The following DPP10 variants were observed in gnomAD, a reference collection of about 807,000 sequenced individuals.
DPP10 encodes the protein inactive dipeptidyl peptidase 10.
Under a neutral mutation model 120.9 loss-of-function variants are expected in DPP10, and 33 were observed. The observed-to-expected ratio is 0.27, with a 90% confidence interval of 0.21 to 0.37. The LOEUF is 0.37. Ranked by LOEUF, DPP10 falls within the 10% of genes least tolerant of loss-of-function variation. The probability of loss-of-function intolerance (pLI) is 1.00; values close to 1 mark genes in which losing one functional copy is unlikely to be tolerated. For synonymous variants in DPP10, 337 were observed against 326.1 expected, an observed-to-expected ratio of 1.03 and a Z score of -0.36; for missense variants, 816 against 942.8, an observed-to-expected ratio of 0.87 and a Z score of 1.76.
In DPP10 at chr2:115,410,409, A is replaced by G. The variant is rs1574753824; in HGVS notation, c.271+66497A>G. ...AAACCAAGCACCCATGTTCTCAGTT[A>G]TAAGTGGGAGCTGAACGATAAGAAC... is the stretch of plus-strand genomic sequence containing the variant. On this transcript the variant is annotated intron_variant, in intron 3 of 25. Transcript: ENST00000410059. Among the ~76,000 whole-genome samples, 6 of 152,298 alleles carry G rather than the reference A, an allele frequency of 3.9e-5. No homozygotes were observed. In the South Asian group the frequency reaches 8.3e-4, roughly 21 times the overall value.
In DPP10 at chr2:114,870,442, G is replaced by C. The variant is rs192256867; in HGVS notation, c.60+427604G>C. ...ATTGAGTATGGAAGGAGAATGTGTA[G>C]TGTAAAAAAAAAATCCTCCATTTAG... On this transcript the variant is annotated intron_variant, in intron 1 of 25. Transcript: ENST00000410059. 5.5e-4 allele frequency among the ~76,000 whole-genome samples: 68 copies of C among 122,612 alleles called. 1 individual carries two copies. In the Middle Eastern group the frequency reaches 0.013, roughly 24 times the overall value. 80.4% of individuals were successfully genotyped at this position (122,612 alleles called of 152,430 possible). A position where few individuals can be genotyped will look rare whatever the true frequency, so the allele number is the denominator to read the frequency against.
intron 3 of DPP10, among the ~76,000 whole-genome samples, chr2:115,360,056 C>A (rs1393984061): frequency 1.3e-5 from 2 of 152,054 alleles, no homozygotes; most frequent in Non-Finnish European, 2.9e-5. Flanking sequence ...TCTCTTGAAT[C>A]GCATTGAGCT....
At chr2:114,832,394 G>C (rs1687218655) in intron 1 of DPP10, among the ~76,000 whole-genome samples, 1 of 152,190 alleles carries the variant, frequency 6.6e-6, no homozygotes, top group South Asian at 2.1e-4. Flanking sequence ...AATTAGCCGG[G>C]CGTGTTGGTG....
chr2:115,572,453 CACA>C (rs777822545), intron 5 of DPP10, among the ~76,000 whole-genome samples: 2 of 152,092 alleles, frequency 1.3e-5, no homozygotes, highest in Non-Finnish European at 2.9e-5. Flanking sequence ...ACACACATTG[CACA>C]ACATGTACAT....
At chr2:115,764,032 A>T (rs888714354) in intron 12 of DPP10, among the ~76,000 whole-genome samples, 1 of 152,284 alleles carries the variant, frequency 6.6e-6, no homozygotes, top group East Asian at 1.9e-4. Context: ...GTAAGAAGTC[A>T]CTTCCTCTAA....
At chr2:115,298,456 C>T (rs1014167127) in intron 1 of DPP10, among the ~76,000 whole-genome samples, 1 of 152,064 alleles carries the variant, frequency 6.6e-6, no homozygotes, top group Admixed American at 6.6e-5. Context: ...AACTGTGTCA[C>T]TCCAGGACTT....
chr2:115,741,202 G>C (rs11123320), intron 9 of DPP10, among the ~76,000 whole-genome samples: 146,730 of 152,202 alleles, frequency 0.96, 70,971 homozygotes, highest in East Asian at 1. Context: ...TCTCATCCAT[G>C]TTCCTTCCAC....
intron 1 of DPP10, among the ~76,000 whole-genome samples, chr2:115,150,719 T>C (rs957465654): frequency 6.6e-6 from 1 of 152,334 alleles, no homozygotes; most frequent in African/African-American, 2.4e-5. Context: ...TGGCTCTTAG[T>C]GACATGAGGT....
intron 1 of DPP10, among the ~76,000 whole-genome samples, chr2:114,666,983 GAT>G (rs1206079446): frequency 6.6e-6 from 1 of 152,190 alleles, no homozygotes; most frequent in Non-Finnish European, 1.5e-5. Context: ...TAAAGGGACA[GAT>G]AGTAATTTGT....
intron 8 of DPP10, among the ~76,000 whole-genome samples, chr2:115,729,368 A>G (rs1368364239): frequency 6.6e-6 from 1 of 152,208 alleles, no homozygotes; most frequent in East Asian, 1.9e-4. Flanking sequence ...TGAAGAAACC[A>G]TGTTAATGCA....
At chr2:114,524,203 G>A (rs111321713) in intron 1 of DPP10, among the ~76,000 whole-genome samples, 4,391 of 152,316 alleles carry the variant, frequency 0.029, 95 homozygotes, top group Middle Eastern at 0.071. Flanking sequence ...TTGTGCTTTA[G>A]CAATAACTCT....
chr2:115,383,151 A>T (rs886258991), intron 3 of DPP10, among the ~76,000 whole-genome samples: 2 of 152,210 alleles, frequency 1.3e-5, no homozygotes, highest in Non-Finnish European at 2.9e-5. Flanking sequence ...ATATTGAGTG[A>T]TGATGTGGTT....
At chr2:114,607,811 C>A (rs1692938241) in intron 1 of DPP10, among the ~76,000 whole-genome samples, 1 of 152,178 alleles carries the variant, frequency 6.6e-6, no homozygotes, top group Non-Finnish European at 1.5e-5. Flanking sequence ...TTCAGACTCC[C>A]ACTATGTGGT....
intron 1 of DPP10, among the ~76,000 whole-genome samples, chr2:114,773,453 A>G (rs988642265): frequency 6.8e-6 from 1 of 147,528 alleles, no homozygotes; most frequent in African/African-American, 2.6e-5. Flanking sequence ...AACACTCATC[A>G]CGGACTTTTA....
chr2:114,875,934 A>G (rs1691112816), intron 1 of DPP10, among the ~76,000 whole-genome samples: 1 of 152,128 alleles, frequency 6.6e-6, no homozygotes, highest in South Asian at 2.1e-4. Flanking sequence ...ACACTTTAGA[A>G]TGAGTTTTCA....
intron 1 of DPP10, among the ~76,000 whole-genome samples, chr2:115,023,398 A>G (rs1324670412): frequency 2.6e-5 from 4 of 152,172 alleles, no homozygotes; most frequent in Non-Finnish European, 2.9e-5. Flanking sequence ...AAAATGCTCA[A>G]TATCACTAAT....
chr2:115,840,975 C>T, intron 25 of DPP10, 152 bp downstream of exon 25: 1 of 561,746 alleles, frequency 1.8e-6, no homozygotes, highest in Non-Finnish European at 3.0e-6. Flanking sequence ...TTCCTGATTA[C>T]ACCGAGAATG....
At chr2:114,629,310 A>G (rs2105366152) in intron 1 of DPP10, among the ~76,000 whole-genome samples, 1 of 152,298 alleles carries the variant, frequency 6.6e-6, no homozygotes, top group Admixed American at 6.5e-5. Context: ...GCTAATGGCT[A>G]ACTGGGACTT....
At chr2:115,007,547 A>C (rs1481113098) in intron 1 of DPP10, among the ~76,000 whole-genome samples, 1 of 149,568 alleles carries the variant, frequency 6.7e-6, no homozygotes, top group Non-Finnish European at 1.5e-5. Context: ...CACCACTCCT[A>C]TTCAACATAG....
Sources: gnomAD v4.1 joint callset for allele counts (sites outside exome capture counted in the v4.1 genomes callset) on GRCh38, gnomAD v4.1.1 for gene constraint, MANE v1.5 for transcripts, NCBI Gene and HGNC (gene_info 2026-07-23, HGNC 2026-07-21) for gene names.